Variants in POLD3 observed in about 807,000 individuals in gnomAD.
The protein encoded by POLD3 is DNA polymerase delta 3, accessory subunit.
A neutral mutation model predicts 58.2 loss-of-function variants in POLD3; 19 were observed. That is an observed-to-expected ratio of 0.33 (90% confidence interval 0.23 to 0.48). The LOEUF (loss-of-function observed/expected upper bound fraction) is 0.48. Among genes scored for constraint, POLD3 ranks in the 20% least tolerant of loss-of-function variants. The pLI, the probability that POLD3 is intolerant of heterozygous loss-of-function variation, is 0.99. For missense variants in POLD3, 504 were observed against 545.5 expected (o/e 0.92, Z 0.76); for synonymous variants, 172 against 193.5 (o/e 0.89, Z 0.92).
At chr11:74,599,598 G>A (rs1042420528) in intron 2 of POLD3, among the ~76,000 whole-genome samples, 6 of 151,776 alleles carry the variant, frequency 4.0e-5, no homozygotes, top group African/African-American at 7.3e-5. Flanking sequence ...CCCTGACCTC[G>A]CAATCTGCCC....
chr11:74,667,328 G>C (rs943245843), intron 4 of POLD3, among the ~76,000 whole-genome samples: 1 of 152,180 alleles, frequency 6.6e-6, no homozygotes, highest in African/African-American at 2.4e-5. Context: ...AAGGTCAGGA[G>C]ATCGAGACCA....
chr11:74,668,090 G>A (rs1433516076), intron 4 of POLD3, among the ~76,000 whole-genome samples: 1 of 152,186 alleles, frequency 6.6e-6, no homozygotes. Context: ...GTGTTAATGT[G>A]GATGTGGATA....
At chr11:74,652,514 C>T (rs192263486) in intron 4 of POLD3, 5 of 152,252 alleles carry the variant, frequency 3.3e-5, no homozygotes, top group Admixed American at 2.6e-4. Flanking sequence ...ATATTTTGTT[C>T]ACTTAGAGAT....
intron 11 of POLD3, among the ~76,000 whole-genome samples, chr11:74,636,770 T>G (rs1348032040): frequency 6.6e-6 from 1 of 152,240 alleles, no homozygotes; most frequent in African/African-American, 2.4e-5. Context: ...TGGTTCCATT[T>G]GTTCTTCAGA....
In POLD3 at chr11:74,641,159, A is replaced by G; in HGVS notation, c.*393A>G. On this transcript the variant is annotated 3_prime_UTR_variant, in exon 12 of 12. Transcript: ENST00000263681. ...TTCCTTCTTGTTCCTCTGTATTCTA[A>G]GAATTCATGTGGGTGTTTCTTATCC... 1.0e-6 allele frequency: 1 copy of G among 988,776 alleles called. No homozygotes were observed. Among genetic ancestry groups the G allele is most frequent in the Non-Finnish European group, 1.2e-6 (1 of 832,300 alleles). The allele number at this position is 988,776 out of a possible 1,614,324, so 61.3% of individuals were successfully genotyped here.
At chr11:74,602,109 T>G (rs2031520766) in intron 2 of POLD3, among the ~76,000 whole-genome samples, 1 of 152,080 alleles carries the variant, frequency 6.6e-6, no homozygotes, top group East Asian at 1.9e-4. Context: ...ACTTTTTTTT[T>G]TCTCCTCCCT....
chr11:74,643,232 C>T (rs1010764024), downstream of POLD3, among the ~76,000 whole-genome samples: 1 of 152,178 alleles, frequency 6.6e-6, no homozygotes, highest in Non-Finnish European at 1.5e-5. Context: ...ATTCTTCAGT[C>T]ATTCTGGCTG....
chr11:74,594,454 T>G (rs1444843865), intron 2 of POLD3, among the ~76,000 whole-genome samples: 1 of 152,234 alleles, frequency 6.6e-6, no homozygotes, highest in Non-Finnish European at 1.5e-5. Flanking sequence ...TATTGGGGGT[T>G]AGGGCTTTAA....
intron 4 of POLD3, among the ~76,000 whole-genome samples, chr11:74,656,092 C>T (rs1332334752): frequency 6.6e-6 from 1 of 152,124 alleles, no homozygotes; most frequent in Non-Finnish European, 1.5e-5. Flanking sequence ...GTGTCAAGAA[C>T]ATAAAATATT....
In POLD3 at chr11:74,641,248, ACCT is replaced by A. The variant is rs2032905737; in HGVS notation, c.*486_*488del. 1.0e-6 allele frequency: 1 copy of A among 985,060 alleles called. No homozygotes were observed. Among genetic ancestry groups the A allele is most frequent in the Non-Finnish European group, 1.2e-6 (1 of 829,950 alleles). The allele number at this position is 985,060 out of a possible 1,614,324, so 61.0% of individuals were successfully genotyped here. ...TGCAGTACCACACTTCTGTCCCCTA[ACCT>A]CCTGAGGCTGTTCTCTGTAAGTCTT... is the stretch of plus-strand genomic sequence containing the variant. On this transcript the variant is annotated 3_prime_UTR_variant, in exon 12 of 12. Coordinates refer to ENST00000263681, the MANE Select transcript of POLD3 (RefSeq NM_006591.3).
At chr11:74,625,669 C>A in intron 8 of POLD3, 96 bp downstream of exon 8, 1 of 936,422 alleles carries the variant, frequency 1.1e-6, no homozygotes, top group Non-Finnish European at 1.6e-6. Flanking sequence ...CAGTTAAGTA[C>A]TAAATCCTAC....
chr11:74,632,718 T>C (rs545861721), intron 9 of POLD3, among the ~76,000 whole-genome samples: 1 of 152,236 alleles, frequency 6.6e-6, no homozygotes, highest in Admixed American at 6.5e-5. Context: ...CTCTTCCCTG[T>C]TTGGGGGAGT....
chr11:74,650,959 G>A (rs924967159), intron 4 of POLD3, among the ~76,000 whole-genome samples: 3 of 152,270 alleles, frequency 2.0e-5, no homozygotes, highest in Non-Finnish European at 2.9e-5. Flanking sequence ...TGTTTACTTC[G>A]GGCAGACAGT....
rs1240304616 is a variant in POLD3 at position 74,618,667 on chromosome 11, A to G, written c.523A>G (p.Asn175Asp). 6.2e-7 allele frequency: 1 copy of G among 1,613,960 alleles called. No homozygotes were observed. Among genetic ancestry groups the G allele is most frequent in the Non-Finnish European group, 8.5e-7 (1 of 1,179,950 alleles). ...ACAAGCCAACAATGAGCTGACCACC[A>G]ATGGTCATGGCCCACCTGCATCCAA... ...ETQANNELTT[N>D]GHGPPASKQV... The change falls in exon 6 of 12, where the codon AAT becomes GAT. Residue 175 changes from asparagine to aspartate, a missense_variant. Coordinates refer to ENST00000263681, the MANE Select transcript of POLD3 (RefSeq NM_006591.3).
chr11:74,605,435 C>G (rs1339225676), intron 3 of POLD3, among the ~76,000 whole-genome samples: 3 of 152,140 alleles, frequency 2.0e-5, no homozygotes, highest in Non-Finnish European at 1.5e-5. Context: ...AGGGATCATT[C>G]TATTACTCCC....
Position 74,668,686 on chromosome 11 carries a change from A to C in POLD3, c.370-91A>C, listed in dbSNP as rs770490092. The C allele has an allele frequency of 7.2e-5, 64 of 892,826 alleles. No homozygotes were observed. The Middle Eastern group carries it at 1.8e-3, about 25-fold the overall frequency. 55.3% of individuals were successfully genotyped at this position (892,826 alleles called of 1,614,324 possible). On this transcript the variant is annotated intron_variant, in intron 4 of 4. Transcript: ENST00000524752. ...GGGTGGGAACATTAAAGAGGCCCGG[A>C]GTAGCTAGGAGGGAGAATGGGGTTA...
intron 8 of POLD3, among the ~76,000 whole-genome samples, chr11:74,627,445 A>G (rs565965853): frequency 2.6e-5 from 4 of 151,978 alleles, no homozygotes; most frequent in East Asian, 3.9e-4. Flanking sequence ...AGTTAAAGTA[A>G]GCTGTTTATT....
At chr11:74,628,917 T>C (rs2032507556) in intron 8 of POLD3, 1 of 219,414 alleles carries the variant, frequency 4.6e-6, no homozygotes. Flanking sequence ...TGTTGGATAA[T>C]TGAAAGGCCA....
intron 4 of POLD3, among the ~76,000 whole-genome samples, chr11:74,657,963 C>G (rs954926571): frequency 2.0e-5 from 3 of 152,154 alleles, no homozygotes; most frequent in African/African-American, 7.2e-5. Context: ...TCATGCCACC[C>G]TCTCCTGGCT....
Sources: allele counts gnomAD v4.1 joint callset (sites outside exome capture counted in the v4.1 genomes callset), GRCh38; gene constraint gnomAD v4.1.1; transcripts MANE v1.5; gene names NCBI Gene and HGNC (gene_info 2026-07-23, HGNC 2026-07-21).